Variants in FRMD3 observed in about 807,000 individuals in gnomAD.
FRMD3 encodes FERM domain-containing protein 3.
In FRMD3, 33 loss-of-function variants were observed where a neutral mutation model predicts 70.2. That is an observed-to-expected ratio of 0.47 (90% CI 0.36 to 0.63). FRMD3 has a LOEUF of 0.63. Among genes scored for constraint, FRMD3 ranks in the 20% least tolerant of loss-of-function variants. The pLI is 0.00. For missense variants in FRMD3, 632 were observed against 711.4 expected (o/e 0.89, Z 1.27); for synonymous variants, 279 against 255.9 (o/e 1.09, Z -0.86).
the FRMD3 span, among the ~76,000 whole-genome samples, chr9:83,571,901 C>T: frequency 1.3e-5 from 2 of 152,140 alleles, no homozygotes; most frequent in Admixed American, 1.3e-4. Context: ...ACAGTGGTTC[C>T]CAACATTCAG....
chr9:83,338,731 T>A (rs1441627836), intron 5 of FRMD3, among the ~76,000 whole-genome samples: 1 of 152,132 alleles, frequency 6.6e-6, no homozygotes, highest in East Asian at 1.9e-4. Context: ...AAGATATGTA[T>A]ATGAACCCAG....
intron 1 of FRMD3, among the ~76,000 whole-genome samples, chr9:83,450,347 G>GTTTTTTTTTTTTTTTTTTTTTTTTTTTT (rs763340189): frequency 9.0e-6 from 1 of 111,600 alleles, no homozygotes. Flanking sequence ...GTCACCCTCA[G>GTTTTTTTTTTTTTTTTTTTTTTTTTTTT]TTTTTTTTTT....
intron 1 of FRMD3, among the ~76,000 whole-genome samples, chr9:83,465,118 C>G (rs190794411): frequency 6.6e-6 from 1 of 152,050 alleles, no homozygotes; most frequent in Non-Finnish European, 1.5e-5. Context: ...GCTGAACTGG[C>G]CCTTCATTCT....
chr9:83,344,451 T>C (rs570681671), intron 4 of FRMD3, among the ~76,000 whole-genome samples: 2 of 152,336 alleles, frequency 1.3e-5, no homozygotes, highest in East Asian at 3.9e-4. Context: ...TGGAAGAGAT[T>C]AGCATTTGAC....
rs775195262 is a variant in FRMD3, at chr9:83,344,767, T to C, written c.375-1480A>G. 2.6e-5 allele frequency among the ~76,000 whole-genome samples: 4 copies of C among 151,704 alleles called. No individual in the cohort carries two copies. In the South Asian group the frequency reaches 8.3e-4, roughly 31 times the overall value. Reference sequence around the variant, plus strand: ...AGCCCTCATAATCACATGGGCCAATTCCTTATAATAAATCTCATTATGTAT... The same window carrying C: ...AGCCCTCATAATCACATGGGCCAATCCCTTATAATAAATCTCATTATGTAT... On this transcript the variant is annotated intron_variant, in intron 4 of 13. Transcript: ENST00000304195.
chr9:83,438,256 T>C (rs1260493996), intron 1 of FRMD3, among the ~76,000 whole-genome samples: 1 of 152,136 alleles, frequency 6.6e-6, no homozygotes, highest in Non-Finnish European at 1.5e-5. Context: ...ACCCAGAAAT[T>C]CCAGCTTTTA....
chr9:83,338,809 T>TA (rs1823662661), intron 5 of FRMD3, among the ~76,000 whole-genome samples: 1 of 152,178 alleles, frequency 6.6e-6, no homozygotes, highest in Non-Finnish European at 1.5e-5. Flanking sequence ...TCCATGGGCC[T>TA]AAAGGGACCA....
intron 1 of FRMD3, among the ~76,000 whole-genome samples, chr9:83,508,689 G>A (rs915156392): frequency 6.6e-6 from 1 of 152,012 alleles, no homozygotes; most frequent in African/African-American, 2.4e-5. Flanking sequence ...CACAGTGCCT[G>A]GTTTCTCACC....
chr9:83,447,515 G>A (rs6559725), intron 1 of FRMD3, among the ~76,000 whole-genome samples: 13,707 of 152,270 alleles, frequency 0.09, 756 homozygotes, highest in South Asian at 0.2. Flanking sequence ...CGGGCCAGCC[G>A]TAGGCCCGAG....
intron 1 of FRMD3, among the ~76,000 whole-genome samples, chr9:83,446,376 G>A (rs544434240): frequency 8.5e-5 from 13 of 152,262 alleles, no homozygotes; most frequent in South Asian, 6.2e-4. Context: ...GGCCGGGCGC[G>A]GTGGCTCACG....
chr9:83,538,041 G>A lies in FRMD3; in HGVS notation c.147+44C>T. ...GCCCACCGCAAAGGCCCCCCGCCCT[G>A]CTCCCGGCGTGTGCCCCGCGCCCTC... On this transcript the variant is annotated intron_variant, in intron 1 of 13. Coordinates refer to ENST00000304195, the MANE Select transcript of FRMD3 (RefSeq NM_174938.6). This position sits in a 1 kb window ranked among gnomAD's most constrained non-coding sequence, Gnocchi z 4.7. 6.3e-7 allele frequency: 1 copy of A among 1,599,610 alleles called. No homozygotes were observed. The highest frequency in any genetic ancestry group is 8.5e-7 in the Non-Finnish European group (1 of 1,171,086).
intron 2 of FRMD3, among the ~76,000 whole-genome samples, chr9:83,378,184 T>C (rs1363046035): frequency 6.6e-6 from 1 of 152,002 alleles, no homozygotes; most frequent in Non-Finnish European, 1.5e-5. Context: ...GCTGTTACCA[T>C]CTTTAGGCTC....
rs375050096 is a variant in FRMD3, at chr9:83,421,092, C to T, written c.148-31384G>A. On this transcript the variant is annotated intron_variant, in intron 1 of 13. Coordinates refer to ENST00000304195, the MANE Select transcript of FRMD3 (RefSeq NM_174938.6). ...AGTAGCTGGGACTACAGGCGCCCGC[C>T]ACCACGCCCGGCTAATTTTTTGTAT... is the stretch of plus-strand genomic sequence containing the variant. 3.3e-5 allele frequency among the ~76,000 whole-genome samples: 5 copies of T among 151,598 alleles called. No individual in the cohort carries two copies. In the East Asian group the frequency reaches 9.7e-4, roughly 29 times the overall value.
intron 3 of FRMD3, among the ~76,000 whole-genome samples, chr9:83,363,140 A>G (rs901733379): frequency 3.9e-5 from 6 of 152,204 alleles, no homozygotes; most frequent in Non-Finnish European, 5.9e-5. Context: ...ACATAACTAC[A>G]TATAATAAAA....
In FRMD3 at chr9:83,311,907, C is replaced by G; in HGVS notation, c.753G>C (p.Lys251Asn). The G allele has an allele frequency of 1.2e-6, 2 of 1,609,240 alleles. No homozygotes were observed. The highest frequency in any genetic ancestry group is 1.7e-6 in the Non-Finnish European group (2 of 1,178,002). ...CTTACCATTTTATCAAATGGATTCT[C>G]TTATTTCCCTGAAAGACCACAAAGC... ...AAGFVVFQGNKRIHLIKWPDV... is the reference protein window; with the variant it reads ...AAGFVVFQGNNRIHLIKWPDV... The change falls in exon 8 of 14, where the codon AAG (lysine) becomes AAC (asparagine). Residue 251 changes from lysine (K) to asparagine (N), a missense_variant. Transcript: ENST00000304195.
intron 13 of FRMD3, among the ~76,000 whole-genome samples, chr9:83,272,268 T>C (rs1404442050): frequency 6.6e-6 from 1 of 151,552 alleles, no homozygotes; most frequent in Non-Finnish European, 1.5e-5. Context: ...CACGCCTGAC[T>C]GGTTTTCGTT....
chr9:83,349,893 G>A, intron 3 of FRMD3, 136 bp from the exon 4 acceptor site: 1 of 544,216 alleles, frequency 1.8e-6, no homozygotes, highest in Admixed American at 3.2e-5. Flanking sequence ...TGTTTTGGAA[G>A]AAGCAGATAT....
chr9:83,309,894 C>T lies in FRMD3; in HGVS notation c.838-270G>A, dbSNP rs577585250. Reference sequence around the variant, plus strand: ...TTCTCAACACTCCAGGCATCATCTACCTCTCTGTCACACTGGAATTAGCCT... The same window carrying T: ...TTCTCAACACTCCAGGCATCATCTATCTCTCTGTCACACTGGAATTAGCCT... On this transcript the variant is annotated intron_variant, in intron 9 of 13. Transcript: ENST00000304195. Among the ~76,000 whole-genome samples, 18 of 152,302 alleles carry T rather than the reference C, an allele frequency of 1.2e-4. 1 individual carries two copies. The South Asian group carries it at 3.7e-3, about 32-fold the overall frequency.
intron 1 of FRMD3, among the ~76,000 whole-genome samples, chr9:83,497,184 CA>C (rs1237191707): frequency 6.6e-6 from 1 of 152,148 alleles, no homozygotes; most frequent in Non-Finnish European, 1.5e-5. Context: ...GAATTATGCA[CA>C]ATACTCTTTC....
Sources: allele counts gnomAD v4.1 joint callset (sites outside exome capture counted in the v4.1 genomes callset), GRCh38; gene constraint gnomAD v4.1.1; non-coding constraint Gnocchi (gnomAD v3.1); transcripts MANE v1.5; gene names NCBI Gene and HGNC (gene_info 2026-07-23, HGNC 2026-07-21).